PSME4: variants seen among roughly 807,000 people sequenced by gnomAD.
PSME4 encodes proteasome activator subunit 4, also known as proteasome activator complex subunit 4.
Under a neutral mutation model 253.9 loss-of-function variants are expected in PSME4, and 89 were observed. That is an observed-to-expected ratio of 0.35 (90% confidence interval 0.30 to 0.42). The LOEUF is 0.42. Ranked by LOEUF, PSME4 falls within the 10% of genes least tolerant of loss-of-function variation. The probability of loss-of-function intolerance (pLI) is 1.00; values close to 1 mark genes in which losing one functional copy is unlikely to be tolerated. For synonymous variants in PSME4, 851 were observed against 759.2 expected (o/e 1.12, Z -1.99); for missense variants, 2,014 against 2,195.2 (o/e 0.92, Z 1.65).
In PSME4 at chr2:53,869,411, T is replaced by C; in HGVS notation, c.5228A>G (p.Asp1743Gly). The change falls in exon 44 of 47, where the codon GAC (aspartate) becomes GGC (glycine). Residue 1743 changes from aspartate (D) to glycine (G), a missense_variant. Transcript: ENST00000404125. ...AATGGTATCTCCTACAGAACCAGGG[T>C]CTCGCTTTCTTTTCTTAGGTAGTTT... ...KTKLPKKRKR[D>G]PGSVGDTIPS... 6.2e-7 allele frequency: 1 copy of C among 1,610,918 alleles called. No homozygotes were observed. The highest frequency in any genetic ancestry group is 8.5e-7 in the Non-Finnish European group (1 of 1,177,836).
Position 53,890,176 on chromosome 2 carries a change from C to G in PSME4, c.4224G>C (p.Leu1408=), listed in dbSNP as rs1267620357. Residue 1408 remains leucine, a synonymous_variant, in exon 37 of 47, where the codon CTG becomes CTC. Transcript: ENST00000404125. The part of the protein sequence containing the change: ...VEKLWELLCP[L]LRTALSNITV... ...TAATATTGGACAGTGCTGTTCTAAGCAGAGGGCACAGAAGCTCCCAAAGCT... is the reference window on the plus strand; with the variant it reads ...TAATATTGGACAGTGCTGTTCTAAGGAGAGGGCACAGAAGCTCCCAAAGCT... 1 of 1,613,802 alleles carries G rather than the reference C, an allele frequency of 6.2e-7. No homozygotes were observed. The highest frequency in any genetic ancestry group is 2.2e-5 in the East Asian group (1 of 44,866).
chr2:53,959,965 T>G (rs1484442178), intron 1 of PSME4, among the ~76,000 whole-genome samples: 1 of 152,206 alleles, frequency 6.6e-6, no homozygotes, highest in Non-Finnish European at 1.5e-5. Flanking sequence ...TAACAGATTT[T>G]TGTGGATTGA....
At chr2:53,968,979 A>G (rs1670882781) in intron 1 of PSME4, among the ~76,000 whole-genome samples, 1 of 152,208 alleles carries the variant, frequency 6.6e-6, no homozygotes, top group Non-Finnish European at 1.5e-5. Flanking sequence ...ACACTAAAAA[A>G]AGCTGTTTGC....
intron 3 of PSME4, among the ~76,000 whole-genome samples, chr2:53,945,738 C>T (rs1184940244): frequency 3.9e-5 from 6 of 152,106 alleles, no homozygotes; most frequent in Non-Finnish European, 7.3e-5. Context: ...CAATCTTTCA[C>T]TTTTGATTAT....
At chr2:53,943,572 G>A (rs1184234703) in intron 3 of PSME4, among the ~76,000 whole-genome samples, 1 of 152,110 alleles carries the variant, frequency 6.6e-6, no homozygotes, top group Non-Finnish European at 1.5e-5. Flanking sequence ...CAGGTGCAGT[G>A]GCTCATGCCT....
chr2:53,874,931 G>A (rs760827173), intron 42 of PSME4, among the ~76,000 whole-genome samples: 6 of 152,142 alleles, frequency 3.9e-5, no homozygotes, highest in Admixed American at 6.6e-5. Flanking sequence ...GCAGCAGAGC[G>A]AACTCTGTCT....
chr2:53,970,641 G>T lies in PSME4; in HGVS notation c.144C>A (p.Ser48=). 6.5e-7 allele frequency: 1 copy of T among 1,550,146 alleles called. No homozygotes were observed. The highest frequency in any genetic ancestry group is 8.7e-7 in the Non-Finnish European group (1 of 1,146,932). Residue 48 remains serine (S), a synonymous_variant, in exon 1 of 47, where the codon TCC becomes TCA. Transcript: ENST00000404125. ...LPYAERLDAE[S]DLQLAQIKCN... ...ATTTGATCTGGGCCAGCTGCAAGTCGGACTCGGCGTCTAGCCGCTCCGCGT... is the reference window on the plus strand; with the variant it reads ...ATTTGATCTGGGCCAGCTGCAAGTCTGACTCGGCGTCTAGCCGCTCCGCGT...
chr2:53,887,722 C>T, intron 39 of PSME4, 136 bp downstream of exon 39: 3 of 1,186,134 alleles, frequency 2.5e-6, no homozygotes, highest in Non-Finnish European at 3.5e-6. Flanking sequence ...TTTCCCACGA[C>T]ACAATAGCAA....
chr2:53,937,008 C>T (rs1298964006), intron 5 of PSME4, among the ~76,000 whole-genome samples, 181 bp from the exon 6 acceptor site: 1 of 152,044 alleles, frequency 6.6e-6, no homozygotes, highest in Non-Finnish European at 1.5e-5. Flanking sequence ...TATTCCTTTC[C>T]TAATTTATTT....
intron 3 of PSME4, among the ~76,000 whole-genome samples, chr2:53,940,966 T>TAATACATATTTAA (rs1558413918): frequency 0.037 from 2,478 of 67,652 alleles, 213 homozygotes; most frequent in Non-Finnish European, 0.064. Context: ...TATATATATA[T>TAATACATATTTAA]ATATATATAT....
intron 20 of PSME4, among the ~76,000 whole-genome samples, chr2:53,913,972 T>C (rs754838594): frequency 1.3e-5 from 2 of 152,190 alleles, no homozygotes; most frequent in South Asian, 2.1e-4. Context: ...TGCCCCTCAT[T>C]GCATAAGCAA....
At chr2:53,926,049 A>G in intron 12 of PSME4, 26 bp from the exon 13 acceptor site, 2 of 1,573,682 alleles carry the variant, frequency 1.3e-6, no homozygotes, top group Non-Finnish European at 1.7e-6. Context: ...ATGGAGAAAG[A>G]TTACATATAG....
chr2:53,954,545 G>A (rs1377540811), intron 1 of PSME4, among the ~76,000 whole-genome samples: 1 of 151,958 alleles, frequency 6.6e-6, no homozygotes, highest in Non-Finnish European at 1.5e-5. Context: ...ACTATCTTGA[G>A]TAAATAATTC....
chr2:53,933,583 T>C (rs543759520), intron 8 of PSME4, among the ~76,000 whole-genome samples: 297 of 152,240 alleles, frequency 2.0e-3, no homozygotes, highest in Non-Finnish European at 3.1e-3. Context: ...GGTCTCGCCA[T>C]GTGGCCCAGG....
chr2:53,869,821 T>G (rs917613533), intron 43 of PSME4: 5 of 206,190 alleles, frequency 2.4e-5, no homozygotes, highest in African/African-American at 1.1e-4. Flanking sequence ...ATAGCTCTCA[T>G]CAGGGCTATA....
At chr2:53,945,018 G>A (rs1452025278) in intron 3 of PSME4, among the ~76,000 whole-genome samples, 1 of 152,162 alleles carries the variant, frequency 6.6e-6, no homozygotes, top group African/African-American at 2.4e-5. Context: ...AACAAGTTAT[G>A]TAGGCCCAAG....
chr2:53,884,723 T>C (rs528840393), intron 41 of PSME4, among the ~76,000 whole-genome samples: 1 of 152,276 alleles, frequency 6.6e-6, no homozygotes, highest in South Asian at 2.1e-4. Context: ...ATTTAAGTAC[T>C]AGGCAGACAA....
At chr2:53,914,027 T>G (rs1268759630) in intron 20 of PSME4, among the ~76,000 whole-genome samples, 1 of 152,216 alleles carries the variant, frequency 6.6e-6, no homozygotes, top group Admixed American at 6.5e-5. Flanking sequence ...TATTAGACCT[T>G]AAGTATGAAT....
intron 27 of PSME4, among the ~76,000 whole-genome samples, chr2:53,902,527 CT>C: frequency 6.6e-6 from 1 of 152,120 alleles, no homozygotes; most frequent in Non-Finnish European, 1.5e-5. Flanking sequence ...CACTCATAAC[CT>C]CGATTTTGTT....
Sources: gnomAD v4.1 joint callset for allele counts (sites outside exome capture counted in the v4.1 genomes callset) on GRCh38, gnomAD v4.1.1 for gene constraint, MANE v1.5 for transcripts, NCBI Gene and HGNC (gene_info 2026-07-23, HGNC 2026-07-21) for gene names.